DYNC2H1: variants seen among roughly 807,000 people sequenced by gnomAD.
DYNC2H1 encodes dynein cytoplasmic 2 heavy chain 1, also known as cytoplasmic dynein 2 heavy chain 1.
A neutral mutation model predicts 570.0 loss-of-function variants in DYNC2H1; 410 were observed. The ratio of observed to expected loss-of-function variants is 0.72; its 90% CI spans 0.66 to 0.78. The LOEUF (loss-of-function observed/expected upper bound fraction) is 0.78, where lower values mean the gene tolerates loss of function less well. DYNC2H1 is among the 30% of genes least tolerant of loss of function. The probability of loss-of-function intolerance (pLI) is 0.00; values close to 1 mark genes in which losing one functional copy is unlikely to be tolerated. For synonymous variants in DYNC2H1, 1,688 were observed against 1,677.6 expected, an observed-to-expected ratio of 1.01 and a Z score of -0.15; for missense variants, 4,865 against 5,046.4, an observed-to-expected ratio of 0.96 and a Z score of 1.09.
chr11:103,193,546 C>CT (rs899290827), intron 47 of DYNC2H1, among the ~76,000 whole-genome samples: 35 of 147,054 alleles, frequency 2.4e-4, no homozygotes, highest in African/African-American at 7.0e-4. Flanking sequence ...TTTTCTTTTT[C>CT]TTTTTTTTTT....
chr11:103,126,917 C>T (rs1451912768), intron 12 of DYNC2H1, among the ~76,000 whole-genome samples: 3 of 152,170 alleles, frequency 2.0e-5, no homozygotes, highest in Admixed American at 1.3e-4. Context: ...GGATTACAGG[C>T]GTGAGCCACC....
At chr11:103,437,211 T>G (rs1057002952) in intron 85 of DYNC2H1, among the ~76,000 whole-genome samples, 15 of 152,068 alleles carry the variant, frequency 9.9e-5, no homozygotes, top group Non-Finnish European at 1.5e-4. Flanking sequence ...TTCCTGTCCT[T>G]CTCTCTCATC....
chr11:103,352,429 G>T (rs1051226533), intron 82 of DYNC2H1, among the ~76,000 whole-genome samples: 5 of 152,068 alleles, frequency 3.3e-5, no homozygotes, highest in Admixed American at 3.3e-4. Flanking sequence ...TGATATATGG[G>T]TTTTTCATGA....
At chr11:103,391,723 C>T (rs774696488) in intron 83 of DYNC2H1, among the ~76,000 whole-genome samples, 1 of 152,220 alleles carries the variant, frequency 6.6e-6, no homozygotes, top group African/African-American at 2.4e-5. Context: ...ACAGTAAAGA[C>T]CCTCAGCTGC....
At chr11:103,182,064 A>C (rs1222841735) in intron 40 of DYNC2H1, among the ~76,000 whole-genome samples, 178 bp downstream of exon 40, 1 of 151,616 alleles carries the variant, frequency 6.6e-6, no homozygotes, top group East Asian at 1.9e-4. Context: ...TCTTATCATA[A>C]CTTTTTATTT....
chr11:103,140,705 G>C (rs557663003), intron 17 of DYNC2H1, among the ~76,000 whole-genome samples: 1 of 152,246 alleles, frequency 6.6e-6, no homozygotes, highest in Admixed American at 6.5e-5. Flanking sequence ...TTCTCGAGGA[G>C]TATCTTTGTG....
chr11:103,113,707 G>C lies in DYNC2H1; in HGVS notation c.366G>C (p.Lys122Asn). ...VRQVFAPMLL[K>N]DQEWSRNFDP... ...AAGTATTCGCACCAATGTTGTTAAA[G>C]GTGAGAAAAGAAGCTGTCATTTTTT... The change falls in exon 2 of 89, where the codon AAG becomes AAC. Residue 122 changes from lysine (K) to asparagine (N), a missense_variant and splice_region_variant. Physicochemically the swap from Lys to Asn is moderately conservative, Grantham distance 94. Coordinates refer to ENST00000375735, the MANE Select transcript of DYNC2H1 (RefSeq NM_001377.3). 6.7e-7 allele frequency: 1 copy of C among 1,503,152 alleles called. No homozygotes were observed. Among genetic ancestry groups the C allele is most frequent in the Non-Finnish European group, 8.8e-7 (1 of 1,134,568 alleles). 93.1% of individuals were successfully genotyped at this position (1,503,152 alleles called of 1,614,324 possible). A position where few individuals can be genotyped will look rare whatever the true frequency, so the allele number is the denominator to read the frequency against.
intron 79 of DYNC2H1, 90 bp from the exon 80 acceptor site, chr11:103,316,455 A>C: frequency 1.2e-6 from 1 of 834,700 alleles, no homozygotes; most frequent in Non-Finnish European, 1.8e-6. Context: ...TTAAGTCTAT[A>C]TTGATCATTT....
intron 83 of DYNC2H1, among the ~76,000 whole-genome samples, chr11:103,399,086 A>G (rs975621950): frequency 2.1e-5 from 3 of 140,984 alleles, no homozygotes; most frequent in African/African-American, 5.4e-5. Flanking sequence ...TTACCATACT[A>G]TTACTTAATG....
chr11:103,259,616 G>C (rs1027732264), intron 69 of DYNC2H1, among the ~76,000 whole-genome samples: 2 of 152,056 alleles, frequency 1.3e-5, no homozygotes, highest in Non-Finnish European at 2.9e-5. Context: ...AATGCTGATA[G>C]GAGACTGATA....
chr11:103,142,868 G>T lies in DYNC2H1; in HGVS notation c.2575-400G>T, dbSNP rs577528635. On this transcript the variant is annotated intron_variant, in intron 17 of 88. Transcript: ENST00000375735. ...TGTATTGATGCTGAGACATATGACTGAAAATTTGACCAGTTTCTTAACTGC... is the reference window on the plus strand; with the variant it reads ...TGTATTGATGCTGAGACATATGACTTAAAATTTGACCAGTTTCTTAACTGC... 2.0e-4 allele frequency among the ~76,000 whole-genome samples: 31 copies of T among 152,256 alleles called. No homozygotes were observed. The Middle Eastern group carries it at 0.014, about 67-fold the overall frequency.
intron 83 of DYNC2H1, among the ~76,000 whole-genome samples, chr11:103,390,256 C>G (rs1942080177): frequency 6.6e-6 from 1 of 151,804 alleles, no homozygotes; most frequent in African/African-American, 2.4e-5. Context: ...ATGTAATGGC[C>G]TTCTTTGTCT....
In DYNC2H1 at chr11:103,426,973, G is replaced by A. The variant is rs563585482; in HGVS notation, c.12367-8970G>A. On this transcript the variant is annotated intron_variant, in intron 84 of 88. Coordinates refer to ENST00000375735, the MANE Select transcript of DYNC2H1 (RefSeq NM_001377.3). ...TCATAAATGTGTTGTTTCTTGTTAC[G>A]GCTCATTTAACATGGTTAGTGTGCT... is the stretch of plus-strand genomic sequence containing the variant. Among the ~76,000 whole-genome samples the A allele has an allele frequency of 4.8e-4, 73 of 151,798 alleles. No individual in the cohort carries two copies. The Middle Eastern group carries it at 0.021, about 43-fold the overall frequency.
In DYNC2H1 at chr11:103,129,732, G is replaced by A. The variant is rs925509774; in HGVS notation, c.1953+727G>A. ...AAAGAAATTAGGAAAACCCATAATA[G>A]CGTTTAAACTGAATGTTACTATGTG... On this transcript the variant is annotated intron_variant, in intron 13 of 88. Transcript: ENST00000375735. This position sits in a 1 kb window ranked among gnomAD's most constrained non-coding sequence, Gnocchi z 4.1. 1.3e-5 allele frequency among the ~76,000 whole-genome samples: 2 copies of A among 152,002 alleles called. No homozygotes were observed. The highest frequency in any genetic ancestry group is 2.4e-5 in the African/African-American group (1 of 41,392).
At chr11:103,116,150 A>T (rs1156385970) in intron 4 of DYNC2H1, among the ~76,000 whole-genome samples, 1 of 152,180 alleles carries the variant, frequency 6.6e-6, no homozygotes, top group African/African-American at 2.4e-5. Flanking sequence ...AACAATGATG[A>T]AATATAGCAT....
rs144066746 is a variant in DYNC2H1 at position 103,148,610 on chromosome 11, A to G, written c.2939A>G (p.Lys980Arg). 4 of 1,564,212 alleles carry G rather than the reference A, an allele frequency of 2.6e-6. No individual in the cohort carries two copies. Among genetic ancestry groups the G allele is most frequent in the East Asian group, 2.4e-5 (1 of 42,284 alleles). ...CAATATAGTAAGTTACAAGAACGGA[A>G]GCCAGAGGTGAGAATCACAAAGTAA... ...NLQYSKLQERKPEILPLFQEA... is the reference protein window; with the variant it reads ...NLQYSKLQERRPEILPLFQEA... The change falls in exon 20 of 89, where the codon AAG (lysine) becomes AGG (arginine). Residue 980 changes from lysine to arginine, a missense_variant. Around this residue, in one of 5 missense-constraint regions of DYNC2H1, gnomAD observed 1,936 missense variants for 1,962.1 expected, o/e 0.99. Coordinates refer to ENST00000375735, the MANE Select transcript of DYNC2H1 (RefSeq NM_001377.3).
chr11:103,392,597 G>A (rs2135617639), intron 83 of DYNC2H1, among the ~76,000 whole-genome samples: 1 of 152,276 alleles, frequency 6.6e-6, no homozygotes. Flanking sequence ...GCTTTAGACT[G>A]GAGCTGTTCC....
intron 88 of DYNC2H1, among the ~76,000 whole-genome samples, chr11:103,477,234 T>C (rs1002013941): frequency 2.0e-5 from 3 of 152,218 alleles, no homozygotes; most frequent in Non-Finnish European, 4.4e-5. Context: ...AACATTCATA[T>C]ACTAGAGTGT....
chr11:103,175,585 A>G (rs574247932), intron 36 of DYNC2H1, among the ~76,000 whole-genome samples: 128 of 152,166 alleles, frequency 8.4e-4, no homozygotes, highest in African/African-American at 3.1e-3. Context: ...TCAGCAGCTA[A>G]TATCTGTGAA....
Sources: gnomAD v4.1 joint callset for allele counts (sites outside exome capture counted in the v4.1 genomes callset) on GRCh38, gnomAD v4.1.1 for gene constraint, gnomAD v4.1.1 regional missense constraint, Gnocchi (gnomAD v3.1) non-coding constraint, MANE v1.5 for transcripts, NCBI Gene and HGNC (gene_info 2026-07-23, HGNC 2026-07-21) for gene names.